The following GNAZ variants were observed in gnomAD, a reference collection of about 807,000 sequenced individuals.
GNAZ encodes G protein subunit alpha z, also known as guanine nucleotide-binding protein G(z) subunit alpha.
GNAZ carries 3 observed loss-of-function variants against 25.4 expected under a neutral mutation model. That is an observed-to-expected ratio of 0.12 (90% CI 0.05 to 0.30). The LOEUF is 0.30. GNAZ is among the 10% of genes least tolerant of loss of function. GNAZ has a pLI of 1.00. For missense variants in GNAZ, 241 were observed against 501.8 expected (o/e 0.48, Z 4.97); for synonymous variants, 211 against 205.7 (o/e 1.03, Z -0.22).
At chr22:23,111,743 G>A (rs1448622381) in intron 2 of GNAZ, among the ~76,000 whole-genome samples, 1 of 152,192 alleles carries the variant, frequency 6.6e-6, no homozygotes, top group East Asian at 1.9e-4. Context: ...CCTTCCTCAG[G>A]GAGCCAGCAG....
At chr22:23,091,060 A>G (rs1415929452) in intron 1 of GNAZ, among the ~76,000 whole-genome samples, 3 of 152,212 alleles carry the variant, frequency 2.0e-5, no homozygotes, top group Non-Finnish European at 4.4e-5. Flanking sequence ...AGGATGCCAC[A>G]TGCAACCACA....
chr22:23,103,803 C>G (rs2069375706), intron 2 of GNAZ, among the ~76,000 whole-genome samples: 1 of 152,208 alleles, frequency 6.6e-6, no homozygotes, highest in Admixed American at 6.5e-5. Context: ...CCCTTCCTCC[C>G]TCAGGTCAGC....
At position 23,089,139 on chromosome 22, in the gene GNAZ, C is replaced by A. The variant is rs545383871; in HGVS notation, c.-449-6108C>A. Reference sequence around the variant, plus strand: ...GGGACCTGGAGAGTGAGGGGCTGGACTGCCGTCTCTGAGGAAGTCAGGCAC... The same window carrying A: ...GGGACCTGGAGAGTGAGGGGCTGGAATGCCGTCTCTGAGGAAGTCAGGCAC... On this transcript the variant is annotated intron_variant, in intron 1 of 2. Coordinates refer to ENST00000615612, the MANE Select transcript of GNAZ (RefSeq NM_002073.4). Among the ~76,000 whole-genome samples, 7 of 152,282 alleles carry A rather than the reference C, an allele frequency of 4.6e-5. No individual in the cohort carries two copies. In the East Asian group the frequency reaches 1.4e-3, roughly 29 times the overall value.
intron 2 of GNAZ, among the ~76,000 whole-genome samples, chr22:23,104,027 T>A (rs1017088087): frequency 6.6e-6 from 1 of 151,752 alleles, no homozygotes; most frequent in South Asian, 2.1e-4. Context: ...GGCCTAGACG[T>A]TGGGAGCAGG....
intron 1 of GNAZ, among the ~76,000 whole-genome samples, chr22:23,072,864 G>A (rs2068413988): frequency 6.6e-6 from 1 of 152,212 alleles, no homozygotes; most frequent in East Asian, 1.9e-4. Flanking sequence ...CCAGAACCTG[G>A]TGCAGGAGTA....
At chr22:23,079,583 G>T (rs1052125646) in intron 1 of GNAZ, among the ~76,000 whole-genome samples, 1 of 152,168 alleles carries the variant, frequency 6.6e-6, no homozygotes, top group Admixed American at 6.5e-5. Flanking sequence ...ACATGAGAAG[G>T]TTTCAAGCAC....
chr22:23,082,057 G>A (rs1246921979), intron 1 of GNAZ, among the ~76,000 whole-genome samples: 6 of 150,030 alleles, frequency 4.0e-5, no homozygotes, highest in Non-Finnish European at 7.4e-5. Context: ...CCCAGGACGC[G>A]GAGCTTGCAG....
chr22:23,075,727 C>T (rs984921517), intron 1 of GNAZ, among the ~76,000 whole-genome samples: 4 of 152,192 alleles, frequency 2.6e-5, no homozygotes, highest in South Asian at 2.1e-4. Context: ...ACCCCGTCCC[C>T]GAGGGCTCAG....
intron 1 of GNAZ, among the ~76,000 whole-genome samples, chr22:23,074,574 G>C (rs1339898262): frequency 6.6e-6 from 1 of 152,200 alleles, no homozygotes; most frequent in Admixed American, 6.5e-5. Flanking sequence ...CTGGCACTGA[G>C]GTGTGTGGCA....
At chr22:23,099,953 G>T (rs927610571) in intron 2 of GNAZ, among the ~76,000 whole-genome samples, 1 of 152,226 alleles carries the variant, frequency 6.6e-6, no homozygotes, top group Non-Finnish European at 1.5e-5. Context: ...GCCACCAAAT[G>T]GTGTGGGATC....
At chr22:23,114,307 C>T (rs758731352) in intron 2 of GNAZ, among the ~76,000 whole-genome samples, 4 of 152,222 alleles carry the variant, frequency 2.6e-5, no homozygotes, top group Non-Finnish European at 5.9e-5. Flanking sequence ...AGTGGGCTGA[C>T]TTGAGCTTCT....
chr22:23,117,534 G>A (rs1256069218), intron 2 of GNAZ, among the ~76,000 whole-genome samples: 2 of 152,226 alleles, frequency 1.3e-5, no homozygotes, highest in African/African-American at 4.8e-5. Context: ...GGGACAGAGG[G>A]AAGCAGGTCT....
At chr22:23,122,364 C>CT (rs1445628410) in intron 2 of GNAZ, 1 of 152,658 alleles carries the variant, frequency 6.6e-6, no homozygotes, top group Non-Finnish European at 1.5e-5. Context: ...TCTGCATGTA[C>CT]TGAGAGCTCT....
intron 1 of GNAZ, among the ~76,000 whole-genome samples, chr22:23,079,773 G>A (rs1446420516): frequency 6.6e-6 from 1 of 152,138 alleles, no homozygotes; most frequent in East Asian, 1.9e-4. Flanking sequence ...GCAATTAAGG[G>A]TTCCCCTGAG....
chr22:23,110,827 T>G (rs2069624773), intron 2 of GNAZ, among the ~76,000 whole-genome samples: 1 of 152,160 alleles, frequency 6.6e-6, no homozygotes, highest in African/African-American at 2.4e-5. Flanking sequence ...GAGAGCTCAG[T>G]GTTGGGAAGG....
At chr22:23,100,769 G>A (rs1432968887) in intron 2 of GNAZ, among the ~76,000 whole-genome samples, 2 of 152,198 alleles carry the variant, frequency 1.3e-5, no homozygotes, top group Non-Finnish European at 2.9e-5. Context: ...GAGCTCCAGA[G>A]CCCTGGCTTC....
chr22:23,089,078 T>C (rs1021555373), intron 1 of GNAZ, among the ~76,000 whole-genome samples: 1 of 152,180 alleles, frequency 6.6e-6, no homozygotes, highest in African/African-American at 2.4e-5. Flanking sequence ...GGGCAGGCTT[T>C]CCTGGGAGGT....
chr22:23,103,957 G>A (rs1331234315), intron 2 of GNAZ, among the ~76,000 whole-genome samples: 2 of 152,224 alleles, frequency 1.3e-5, no homozygotes, highest in Non-Finnish European at 2.9e-5. Flanking sequence ...TCTAGGTGCA[G>A]AGAAGCCAGG....
At chr22:23,118,850 G>A (rs1483705909) in intron 2 of GNAZ, among the ~76,000 whole-genome samples, 3 of 152,208 alleles carry the variant, frequency 2.0e-5, no homozygotes, top group Non-Finnish European at 4.4e-5. Flanking sequence ...GGCCAGGGAG[G>A]GCAAAACCCC....
Sources: gnomAD v4.1 joint callset for allele counts (sites outside exome capture counted in the v4.1 genomes callset) on GRCh38, gnomAD v4.1.1 for gene constraint, MANE v1.5 for transcripts, NCBI Gene and HGNC (gene_info 2026-07-23, HGNC 2026-07-21) for gene names.